Variants in JAKMIP2 observed in about 807,000 individuals in gnomAD.
JAKMIP2 encodes janus kinase and microtubule interacting protein 2.
A neutral mutation model predicts 115.0 loss-of-function variants in JAKMIP2; 25 were observed. The ratio of observed to expected loss-of-function variants is 0.22; its 90% CI spans 0.16 to 0.30. The LOEUF is 0.30. Ranked by LOEUF, JAKMIP2 falls within the 10% of genes least tolerant of loss-of-function variation. JAKMIP2 has a pLI of 1.00. For synonymous variants in JAKMIP2, 334 were observed against 343.6 expected (o/e 0.97, Z 0.31); for missense variants, 642 against 957.6 (o/e 0.67, Z 4.35).
At chr5:147,764,969 G>GGAGAGAGAGAGAGAGAGAGGGA (rs1755092953) in intron 1 of JAKMIP2, among the ~76,000 whole-genome samples, 1 of 33,906 alleles carries the variant, frequency 2.9e-5, no homozygotes, top group Non-Finnish European at 5.0e-5. Context: ...AGAGAGAGGG[G>GGAGAGAGAGAGAGAGAGAGGGA]GAGAGAGAGA....
rs1032441405 is a variant in JAKMIP2 at position 147,727,827 on chromosome 5, G to T, written c.-149+54629C>A. ...TTGGATTGTGTTTTTCTGGAAAAAAGGTTTTTTTCTTTTCTTCTCAGTAGA... is the reference window on the plus strand; with the variant it reads ...TTGGATTGTGTTTTTCTGGAAAAAATGTTTTTTTCTTTTCTTCTCAGTAGA... On this transcript the variant is annotated intron_variant, in intron 1 of 21. Coordinates refer to ENST00000616793, the MANE Select transcript of JAKMIP2 (RefSeq NM_001270941.2). Among the ~76,000 whole-genome samples the T allele has an allele frequency of 2.7e-5, 4 of 148,884 alleles. No individual in the cohort carries two copies. The South Asian group carries it at 6.2e-4, about 23-fold the overall frequency.
Position 147,648,311 on chromosome 5 carries a change from T to G in JAKMIP2, c.936+65A>C, listed in dbSNP as rs1758230523. 25 of 819,744 alleles carry G rather than the reference T, an allele frequency of 3.0e-5. No individual in the cohort carries two copies. The East Asian group carries it at 6.1e-4, about 20-fold the overall frequency. The allele number at this position is 819,744 out of a possible 1,614,324, so 50.8% of individuals were successfully genotyped here. A position where few individuals can be genotyped will look rare whatever the true frequency, so the allele number is the denominator to read the frequency against. On this transcript the variant is annotated intron_variant, in intron 5 of 21. Transcript: ENST00000616793. Reference sequence around the variant, plus strand: ...TCTATTATGGTACGTATCTATAACATAGTATGTAATTCTGTAACATAATGC... The same window carrying G: ...TCTATTATGGTACGTATCTATAACAGAGTATGTAATTCTGTAACATAATGC...
At chr5:147,754,911 G>A (rs1232842949) in intron 1 of JAKMIP2, among the ~76,000 whole-genome samples, 16 of 152,186 alleles carry the variant, frequency 1.1e-4, no homozygotes, top group Admixed American at 1.0e-3. Context: ...CTACAGATTA[G>A]GCCACTATGA....
intron 1 of JAKMIP2, among the ~76,000 whole-genome samples, chr5:147,755,055 A>G (rs1027064170): frequency 6.6e-6 from 1 of 152,188 alleles, no homozygotes; most frequent in Non-Finnish European, 1.5e-5. Flanking sequence ...GCGTTATTCC[A>G]TAGGTATCAA....
At chr5:147,764,389 C>A (rs868621786) in intron 1 of JAKMIP2, among the ~76,000 whole-genome samples, 1 of 151,442 alleles carries the variant, frequency 6.6e-6, no homozygotes, top group East Asian at 2.0e-4. Context: ...GGCTACTCTG[C>A]CAGTGAAAGA....
chr5:147,686,487 A>G (rs1760578500), intron 1 of JAKMIP2, among the ~76,000 whole-genome samples: 2 of 152,226 alleles, frequency 1.3e-5, no homozygotes, highest in African/African-American at 2.4e-5. Context: ...TCTCTATCAC[A>G]TATTTGCTCT....
chr5:147,663,842 A>C (rs1305789298), intron 2 of JAKMIP2, among the ~76,000 whole-genome samples: 3 of 152,050 alleles, frequency 2.0e-5, no homozygotes, highest in Non-Finnish European at 2.9e-5. Flanking sequence ...TCCAGCTTAC[A>C]CCTACGGTCC....
intron 1 of JAKMIP2, among the ~76,000 whole-genome samples, chr5:147,724,789 T>C (rs186019605): frequency 1.3e-5 from 2 of 152,200 alleles, no homozygotes; most frequent in East Asian, 3.9e-4. Context: ...GATCAGGAGA[T>C]TGATGTTTTC....
At chr5:147,765,413 T>C (rs1755120644) in intron 1 of JAKMIP2, among the ~76,000 whole-genome samples, 1 of 152,172 alleles carries the variant, frequency 6.6e-6, no homozygotes, top group Non-Finnish European at 1.5e-5. Flanking sequence ...CATTACAGTT[T>C]TAATCACAGC....
At chr5:147,601,517 T>C (rs544300583) in intron 21 of JAKMIP2, among the ~76,000 whole-genome samples, 293 of 152,248 alleles carry the variant, frequency 1.9e-3, no homozygotes, top group Middle Eastern at 6.8e-3. Context: ...GAGGATCGCT[T>C]TGAGCCTGGG....
intron 1 of JAKMIP2, among the ~76,000 whole-genome samples, chr5:147,682,012 C>T (rs1164825181): frequency 4.7e-5 from 7 of 148,794 alleles, no homozygotes; most frequent in Admixed American, 6.8e-5. Flanking sequence ...TGCACTCCAG[C>T]CTGAGTGACA....
At chr5:147,631,798 G>C (rs144888691) in intron 13 of JAKMIP2, among the ~76,000 whole-genome samples, 99 of 152,266 alleles carry the variant, frequency 6.5e-4, no homozygotes, top group African/African-American at 2.3e-3. Flanking sequence ...AATATTTAGA[G>C]CTTTCAAATA....
intron 19 of JAKMIP2, among the ~76,000 whole-genome samples, chr5:147,616,828 A>G (rs1240601825): frequency 1.3e-5 from 2 of 152,314 alleles, no homozygotes; most frequent in East Asian, 3.9e-4. Context: ...CTATTAGCCT[A>G]TAAAATCCAC....
At chr5:147,779,351 G>A (rs1755675431) in intron 1 of JAKMIP2, among the ~76,000 whole-genome samples, 1 of 151,958 alleles carries the variant, frequency 6.6e-6, no homozygotes, top group South Asian at 2.1e-4. Flanking sequence ...TAGCATTTGA[G>A]TGGAAGATTA....
rs932640846 is a variant in JAKMIP2, at chr5:147,587,294, G to C, written c.*4413C>G. ...CAATGTAATAGATAAATCTAAATTA[G>C]TAAAATGATAGAATTAAACTGCCAA... On this transcript the variant is annotated 3_prime_UTR_variant, in exon 22 of 22. Coordinates refer to ENST00000616793, the MANE Select transcript of JAKMIP2 (RefSeq NM_001270941.2). 1 of 152,028 alleles carries C rather than the reference G, an allele frequency of 6.6e-6. No homozygotes were observed. Among genetic ancestry groups the C allele is most frequent in the African/African-American group, 2.4e-5 (1 of 41,394 alleles). 9.4% of individuals were successfully genotyped at this position (152,028 alleles called of 1,614,324 possible). A position where few individuals can be genotyped will look rare whatever the true frequency, so the allele number is the denominator to read the frequency against.
At chr5:147,673,625 A>G (rs1759760788) in intron 1 of JAKMIP2, among the ~76,000 whole-genome samples, 1 of 152,088 alleles carries the variant, frequency 6.6e-6, no homozygotes, top group African/African-American at 2.4e-5. Context: ...GTTGTCCTTC[A>G]CGCTTCCTTT....
intron 1 of JAKMIP2, among the ~76,000 whole-genome samples, chr5:147,720,513 C>A (rs1170707292): frequency 4.0e-5 from 6 of 148,812 alleles, no homozygotes; most frequent in Non-Finnish European, 7.5e-5. Flanking sequence ...GGTCTTTTCA[C>A]ATAGTCCCAT....
At chr5:147,727,450 A>G (rs539369267) in intron 1 of JAKMIP2, among the ~76,000 whole-genome samples, 1 of 152,298 alleles carries the variant, frequency 6.6e-6, no homozygotes, top group South Asian at 2.1e-4. Context: ...GAAACTTACA[A>G]TCATGGCAGA....
At chr5:147,595,385 G>A in intron 21 of JAKMIP2, 1 of 454,972 alleles carries the variant, frequency 2.2e-6, no homozygotes, top group Non-Finnish European at 4.4e-6. Context: ...AACTAACTTA[G>A]GCTCTTTTGC....
Sources: allele counts gnomAD v4.1 joint callset (sites outside exome capture counted in the v4.1 genomes callset), GRCh38; gene constraint gnomAD v4.1.1; transcripts MANE v1.5; gene names NCBI Gene and HGNC (gene_info 2026-07-23, HGNC 2026-07-21).